Variants in RAB38 observed in about 807,000 individuals in gnomAD.
The protein encoded by RAB38 is RAB38, member RAS oncogene family, also known as ras-related protein Rab-38.
In RAB38, 15 loss-of-function variants were observed where a neutral mutation model predicts 18.4. The observed-to-expected ratio is 0.82, with a 90% CI of 0.55 to 1.26. RAB38 has a LOEUF of 1.26. Among genes scored for constraint, RAB38 ranks in the 50% most tolerant of loss-of-function variants. RAB38 has a pLI of 0.00. For synonymous variants in RAB38, 101 were observed against 104.4 expected (o/e 0.97, Z 0.20); for missense variants, 294 against 267.4 (o/e 1.10, Z -0.69).
the RAB38 span, among the ~76,000 whole-genome samples, chr11:88,061,090 T>A: frequency 4.8e-3 from 732 of 152,328 alleles, 3 homozygotes; most frequent in African/African-American, 0.017. Flanking sequence ...CCTACAATGA[T>A]ATGATGAAAA....
At chr11:88,080,617 G>A in the RAB38 span, among the ~76,000 whole-genome samples, 17 of 151,874 alleles carry the variant, frequency 1.1e-4, no homozygotes, top group African/African-American at 3.4e-4. Flanking sequence ...GAAAACCCAC[G>A]TAAACTGATT....
the RAB38 span, among the ~76,000 whole-genome samples, chr11:87,958,010 G>A: frequency 3.9e-4 from 59 of 152,146 alleles, no homozygotes; most frequent in Non-Finnish European, 6.3e-4. Context: ...TTCGACTTAC[G>A]ATTTTTGACT....
the RAB38 span, among the ~76,000 whole-genome samples, chr11:87,886,043 A>G: frequency 1.3e-4 from 19 of 151,894 alleles, no homozygotes; most frequent in African/African-American, 4.3e-4. Flanking sequence ...CATTATCTCA[A>G]GTAGCCATAT....
At chr11:87,915,411 C>T in the RAB38 span, among the ~76,000 whole-genome samples, 1 of 152,050 alleles carries the variant, frequency 6.6e-6, no homozygotes, top group East Asian at 1.9e-4. Flanking sequence ...ACAAAACTGA[C>T]CTCTGGTCAT....
the RAB38 span, among the ~76,000 whole-genome samples, chr11:87,805,542 C>T: frequency 1.3e-5 from 2 of 151,186 alleles, 1 homozygote; most frequent in South Asian, 4.2e-4. Context: ...ACAAAAGAAC[C>T]ATAGGATAGA....
intron 1 of RAB38, among the ~76,000 whole-genome samples, chr11:88,160,821 G>A (rs1943180703): frequency 6.6e-6 from 1 of 151,996 alleles, no homozygotes; most frequent in Non-Finnish European, 1.5e-5. Context: ...CAGAAACCAG[G>A]CACTACTGGA....
intron 2 of RAB38, among the ~76,000 whole-genome samples, chr11:88,119,847 G>T (rs1591154551): frequency 6.6e-6 from 1 of 152,062 alleles, no homozygotes; most frequent in African/African-American, 2.4e-5. Flanking sequence ...TTTAATTAGA[G>T]CAGATGGCCT....
the RAB38 span, among the ~76,000 whole-genome samples, chr11:87,847,169 A>G: frequency 6.6e-6 from 1 of 152,062 alleles, no homozygotes; most frequent in African/African-American, 2.4e-5. Flanking sequence ...CCCAGAAATC[A>G]TTGATATTGA....
chr11:88,089,874 T>G, the RAB38 span, among the ~76,000 whole-genome samples: 3 of 151,972 alleles, frequency 2.0e-5, no homozygotes. Flanking sequence ...TGGTACTGGT[T>G]TGGCTTACTT....
chr11:88,017,728 A>G, the RAB38 span, among the ~76,000 whole-genome samples: 1 of 146,412 alleles, frequency 6.8e-6, no homozygotes, highest in African/African-American at 2.5e-5. Context: ...TATATATTAT[A>G]TATATATATA....
the RAB38 span, among the ~76,000 whole-genome samples, chr11:87,885,493 G>A: frequency 2.0e-5 from 3 of 152,042 alleles, no homozygotes; most frequent in African/African-American, 7.2e-5. Context: ...GCCTAGGCAC[G>A]AAATGAGAGA....
At chr11:88,049,508 G>T in the RAB38 span, among the ~76,000 whole-genome samples, 2 of 150,936 alleles carry the variant, frequency 1.3e-5, no homozygotes, top group Admixed American at 6.6e-5. Context: ...TTATAAAACG[G>T]CCCCACCCCT....
the RAB38 span, among the ~76,000 whole-genome samples, chr11:88,064,975 T>A: frequency 1.3e-5 from 2 of 152,214 alleles, no homozygotes; most frequent in Non-Finnish European, 2.9e-5. Flanking sequence ...GAGATCTGTA[T>A]CTGGAAAAAG....
the RAB38 span, among the ~76,000 whole-genome samples, chr11:87,872,756 A>C: frequency 6.6e-6 from 1 of 151,624 alleles, no homozygotes; most frequent in East Asian, 2.0e-4. Context: ...TATGCATTTA[A>C]GGTTGTTTCA....
At chr11:87,960,851 C>A in the RAB38 span, among the ~76,000 whole-genome samples, 1 of 152,102 alleles carries the variant, frequency 6.6e-6, no homozygotes, top group Non-Finnish European at 1.5e-5. Flanking sequence ...CCTGTTTTGC[C>A]CATTTGTAGC....
chr11:88,170,506 C>T (rs617591), intron 1 of RAB38, among the ~76,000 whole-genome samples: 127,305 of 152,200 alleles, frequency 0.84, 53,610 homozygotes, highest in Middle Eastern at 0.93. Flanking sequence ...GAAAGAACTT[C>T]ACAAACTCTA....
At chr11:88,114,609 A>C (rs1942523258) in intron 2 of RAB38, among the ~76,000 whole-genome samples, 1 of 152,224 alleles carries the variant, frequency 6.6e-6, no homozygotes, top group Non-Finnish European at 1.5e-5. Flanking sequence ...TATTCTAGTG[A>C]AATGGGGAAG....
At chr11:88,107,977 T>C in the RAB38 span, among the ~76,000 whole-genome samples, 1 of 152,208 alleles carries the variant, frequency 6.6e-6, no homozygotes, top group African/African-American at 2.4e-5. Context: ...CACTGTGGTC[T>C]GAGAGACTTG....
At chr11:87,873,414 G>C in the RAB38 span, among the ~76,000 whole-genome samples, 1 of 151,366 alleles carries the variant, frequency 6.6e-6, no homozygotes, top group Non-Finnish European at 1.5e-5. Flanking sequence ...TCATTCTCTT[G>C]ACAGTATTTT....
Sources: allele counts gnomAD v4.1 joint callset (sites outside exome capture counted in the v4.1 genomes callset), GRCh38; gene constraint gnomAD v4.1.1; transcripts MANE v1.5; gene names NCBI Gene and HGNC (gene_info 2026-07-23, HGNC 2026-07-21).